Variants in ACSBG2 observed in about 807,000 individuals in gnomAD.
ACSBG2 encodes the protein long-chain-fatty-acid--CoA ligase ACSBG2.
ACSBG2 carries 62 observed loss-of-function variants against 74.7 expected under a neutral mutation model. That is an observed-to-expected ratio of 0.83 (90% CI 0.68 to 1.03). ACSBG2 has a LOEUF of 1.03. Ranked by LOEUF, ACSBG2 falls within the 50% of genes least tolerant of loss-of-function variation. The probability of loss-of-function intolerance (pLI) is 0.00; values close to 1 mark genes in which losing one functional copy is unlikely to be tolerated. For missense variants in ACSBG2, 730 were observed against 817.6 expected (o/e 0.89, Z 1.31); for synonymous variants, 309 against 294.1 (o/e 1.05, Z -0.52).
chr19:6,136,393 A>C (rs1020858342), intron 1 of ACSBG2, among the ~76,000 whole-genome samples: 1 of 148,960 alleles, frequency 6.7e-6, no homozygotes, highest in East Asian at 2.0e-4. Context: ...TACTCGGCCT[A>C]ATTTTTATAT....
intron 2 of ACSBG2, among the ~76,000 whole-genome samples, chr19:6,146,577 C>T (rs1004175822): frequency 2.0e-5 from 3 of 150,260 alleles, no homozygotes; most frequent in Non-Finnish European, 3.0e-5. Flanking sequence ...ACCAGCCTGA[C>T]CAACATGGAG....
In ACSBG2 at chr19:6,182,873, G is replaced by C; in HGVS notation, c.1029G>C (p.Lys343Asn). 1 of 1,614,192 alleles carries C rather than the reference G, an allele frequency of 6.2e-7. No homozygotes were observed. Among genetic ancestry groups the C allele is most frequent in the Non-Finnish European group, 8.5e-7 (1 of 1,180,042 alleles). Residue 343 changes from lysine to asparagine, a missense_variant, in exon 9 of 15, where the codon AAG (lysine) becomes AAC (asparagine). Physicochemically the swap from Lys to Asn is moderately conservative, Grantham distance 94. Coordinates refer to ENST00000588485, the MANE Select transcript of ACSBG2 (RefSeq NM_030924.5). ...GTGCCAAGTCCATGGGCTTGAAGAA[G>C]AAGGCATTCGTGTGGGCAAGAAACA... ...KNSAKSMGLK[K>N]KAFVWARNIG... is the part of the protein sequence containing the mutation.
At chr19:6,177,519 T>G in intron 8 of ACSBG2, 123 bp downstream of exon 8, 8 of 991,676 alleles carry the variant, frequency 8.1e-6, no homozygotes, top group Non-Finnish European at 1.0e-5. Context: ...GTTTTATCTC[T>G]GCCCTCATCT....
In ACSBG2 at chr19:6,185,444, A is replaced by T. The variant is rs1430848244; in HGVS notation, c.1331A>T (p.Lys444Met). The T allele has an allele frequency of 6.2e-7, 1 of 1,614,150 alleles. No homozygotes were observed. The highest frequency in any genetic ancestry group is 1.1e-5 in the South Asian group (1 of 91,078). ...QNNYRLLSCG[K>M]ILTGCKNMLF... ...CTTCTGTCCCCTGGCAGCTGTGGCA[A>T]GATCTTGACTGGGTGTAAGAATATG... Residue 444 changes from lysine to methionine, a missense_variant, in exon 11 of 15, where the codon AAG (lysine) becomes ATG (methionine). Transcript: ENST00000588485.
Position 6,190,812 on chromosome 19 carries a change from TACACACACACAC to T in ACSBG2, c.*35+149_*35+160del, listed in dbSNP as rs58730661. ...GAAAACACACACATACACACATACA[TACACACACACAC>T]ACACACACACACACACACACACACA... On this transcript the variant is annotated intron_variant, in intron 14 of 14. Coordinates refer to ENST00000588485, the MANE Select transcript of ACSBG2 (RefSeq NM_030924.5). 367 of 336,792 alleles carry T rather than the reference TACACACACACAC, an allele frequency of 1.1e-3. 2 individuals carry two copies. The highest frequency in any genetic ancestry group is 5.5e-3 in the African/African-American group (248 of 45,364). The allele number at this position is 336,792 out of a possible 1,614,324, so 20.9% of individuals were successfully genotyped here.
At chr19:6,146,356 G>A (rs1027377988) in intron 2 of ACSBG2, among the ~76,000 whole-genome samples, 3 of 152,236 alleles carry the variant, frequency 2.0e-5, no homozygotes, top group African/African-American at 7.2e-5. Context: ...TGTAATCCCA[G>A]CTACTCGGCA....
chr19:6,156,597 C>T, intron 5 of ACSBG2, 46 bp downstream of exon 5: 3 of 1,486,252 alleles, frequency 2.0e-6, no homozygotes, highest in Non-Finnish European at 2.7e-6. Flanking sequence ...CCAGGGGTAC[C>T]TCAGGGCTCT....
chr19:6,156,382 C>A, intron 4 of ACSBG2, 49 bp from the exon 5 acceptor site: 1 of 1,541,516 alleles, frequency 6.5e-7, no homozygotes, highest in Non-Finnish European at 8.7e-7. Context: ...GACCATTCTG[C>A]CTTTAAGGTG....
In ACSBG2 at chr19:6,182,755, C is replaced by G. The variant is rs1365975105; in HGVS notation, c.911C>G (p.Thr304Ser). 1 of 1,613,850 alleles carries G rather than the reference C, an allele frequency of 6.2e-7. No individual in the cohort carries two copies. ...YFAQADALKG[T>S]LVSTLKEVKP... is the part of the protein sequence containing the mutation. ...ACCTAGCTTCGTTCCATACAGGGCA[C>G]CTTGGTAAGTACTCTAAAGGAGGTA... is the stretch of plus-strand genomic sequence containing the variant. Residue 304 changes from threonine (T) to serine (S), a missense_variant, in exon 9 of 15, where the codon ACC becomes AGC. Physicochemically the swap from Thr to Ser is moderately conservative, Grantham distance 58. Transcript: ENST00000588485.
At chr19:6,179,931 T>C (rs2090197902) in intron 8 of ACSBG2, among the ~76,000 whole-genome samples, 1 of 152,122 alleles carries the variant, frequency 6.6e-6, no homozygotes, top group South Asian at 2.1e-4. Flanking sequence ...ATCTTATAGT[T>C]CTGGTGGTCA....
intron 7 of ACSBG2, among the ~76,000 whole-genome samples, chr19:6,168,268 T>C (rs2089868058): frequency 6.6e-6 from 1 of 152,130 alleles, no homozygotes; most frequent in Non-Finnish European, 1.5e-5. Flanking sequence ...ATGAGCTCCG[T>C]GGGAAGTATT....
intron 4 of ACSBG2, among the ~76,000 whole-genome samples, chr19:6,152,551 A>ATTTTTT (rs746612699): frequency 1.1e-3 from 22 of 20,228 alleles, no homozygotes; most frequent in African/African-American, 1.8e-3. Flanking sequence ...CGGCCTCCCA[A>ATTTTTT]TTTTTTTTTT....
Position 6,179,061 on chromosome 19 carries a change from G to A in ACSBG2, c.906+1665G>A, listed in dbSNP as rs561088367. ...TCCCAGTTATTTCTAAGTAAGGGCG[G>A]TTTTCTGGAAAAGAGGGAACTGTGG... On this transcript the variant is annotated intron_variant, in intron 8 of 14. Transcript: ENST00000588485. Among the ~76,000 whole-genome samples the A allele has an allele frequency of 3.9e-4, 59 of 152,254 alleles. No homozygotes were observed. The South Asian group carries it at 0.012, about 31-fold the overall frequency.
chr19:6,170,925 A>G (rs1183851506), intron 7 of ACSBG2, among the ~76,000 whole-genome samples: 1 of 150,320 alleles, frequency 6.7e-6, no homozygotes, highest in African/African-American at 2.4e-5. Context: ...GGGTGGTTAG[A>G]TCTTCTGGTT....
chr19:6,185,334 T>A (rs2145258718), intron 10 of ACSBG2, 102 bp from the exon 11 acceptor site: 1 of 1,160,488 alleles, frequency 8.6e-7, no homozygotes, highest in African/African-American at 1.5e-5. Context: ...CAGCCTGCTC[T>A]AGCTGAGCAG....
chr19:6,188,898 T>C (rs1182457522), intron 13 of ACSBG2, among the ~76,000 whole-genome samples: 1 of 152,210 alleles, frequency 6.6e-6, no homozygotes, highest in Admixed American at 6.5e-5. Flanking sequence ...GTTTCACTGG[T>C]ATGCAGGACT....
chr19:6,178,055 T>C (rs2090138003), intron 8 of ACSBG2, among the ~76,000 whole-genome samples: 1 of 152,150 alleles, frequency 6.6e-6, no homozygotes, highest in Non-Finnish European at 1.5e-5. Flanking sequence ...ATTTGTAGAA[T>C]TTTTATACCA....
At chr19:6,148,114 G>C (rs953665914) in intron 3 of ACSBG2, 17 of 181,146 alleles carry the variant, frequency 9.4e-5, no homozygotes, top group Middle Eastern at 5.4e-3. Context: ...GAGCTACTTT[G>C]AAATTGGGTT....
chr19:6,142,614 G>A (rs2088884526), intron 2 of ACSBG2, among the ~76,000 whole-genome samples: 1 of 151,950 alleles, frequency 6.6e-6, no homozygotes, highest in African/African-American at 2.4e-5. Context: ...TTAGCCAGGT[G>A]TGGTGGCGGG....
Sources: gnomAD v4.1 joint callset for allele counts (sites outside exome capture counted in the v4.1 genomes callset) on GRCh38, gnomAD v4.1.1 for gene constraint, MANE v1.5 for transcripts, NCBI Gene and HGNC (gene_info 2026-07-23, HGNC 2026-07-21) for gene names.